The following CNBD1 variants were observed in gnomAD, a reference collection of about 807,000 sequenced individuals.
CNBD1 encodes cyclic nucleotide-binding domain-containing protein 1.
A neutral mutation model predicts 54.4 loss-of-function variants in CNBD1; 71 were observed. The ratio of observed to expected loss-of-function variants is 1.30; its 90% CI spans 1.08 to 1.59. The LOEUF (loss-of-function observed/expected upper bound fraction) is 1.59. Among genes scored for constraint, CNBD1 ranks in the 40% most tolerant of loss-of-function variants. CNBD1 has a pLI of 0.00. For synonymous variants in CNBD1, 182 were observed against 170.7 expected (o/e 1.07, Z -0.51); for missense variants, 659 against 518.0 (o/e 1.27, Z -2.64).
At chr8:87,329,127 G>A (rs190388167) in intron 8 of CNBD1, among the ~76,000 whole-genome samples, 79 of 151,740 alleles carry the variant, frequency 5.2e-4, no homozygotes, top group African/African-American at 1.2e-3. Flanking sequence ...GTCTATATTC[G>A]CTCTTTTGCA....
chr8:87,068,319 T>C (rs902573022), intron 4 of CNBD1, among the ~76,000 whole-genome samples: 8 of 152,124 alleles, frequency 5.3e-5, no homozygotes, highest in African/African-American at 1.9e-4. Context: ...TAATATATAA[T>C]TACAATGGTA....
At chr8:87,344,504 C>T (rs1810130898) in intron 8 of CNBD1, among the ~76,000 whole-genome samples, 1 of 151,838 alleles carries the variant, frequency 6.6e-6, no homozygotes. Context: ...GTTGGGTCAC[C>T]AATATCTGTA....
intron 4 of CNBD1, among the ~76,000 whole-genome samples, chr8:87,107,785 T>C (rs1457681655): frequency 6.6e-6 from 1 of 152,184 alleles, no homozygotes; most frequent in Non-Finnish European, 1.5e-5. Context: ...ATGGCACTAG[T>C]CTAGACTTAG....
intron 4 of CNBD1, among the ~76,000 whole-genome samples, chr8:87,162,094 G>A (rs1812869351): frequency 6.6e-6 from 1 of 151,976 alleles, no homozygotes; most frequent in Non-Finnish European, 1.5e-5. Context: ...TCAAACACAT[G>A]CAAAGTCTTT....
Position 87,141,001 on chromosome 8 carries a change from A to G in CNBD1, c.432-64992A>G, listed in dbSNP as rs552059382. ...TGTAAAAAAAGACCATAAAAGGAAC[A>G]TGTTTCCTAAAGTTTTTACTTCTGA... On this transcript the variant is annotated intron_variant, in intron 4 of 10. Coordinates refer to ENST00000518476, the MANE Select transcript of CNBD1 (RefSeq NM_173538.3). Among the ~76,000 whole-genome samples, 3 of 152,272 alleles carry G rather than the reference A, an allele frequency of 2.0e-5. No homozygotes were observed. The East Asian group carries it at 5.8e-4, about 29-fold the overall frequency.
intron 10 of CNBD1, among the ~76,000 whole-genome samples, chr8:87,371,551 C>T (rs1333348032): frequency 6.6e-6 from 1 of 151,908 alleles, no homozygotes; most frequent in Non-Finnish European, 1.5e-5. Flanking sequence ...GAATTTTAGA[C>T]CAATATCCTT....
intron 8 of CNBD1, among the ~76,000 whole-genome samples, chr8:87,344,747 T>A (rs890838822): frequency 1.3e-5 from 2 of 152,106 alleles, no homozygotes; most frequent in Non-Finnish European, 2.9e-5. Context: ...TACAAGTGAG[T>A]GAATGCGTTG....
chr8:86,894,568 C>T (rs1263880150), intron 2 of CNBD1, among the ~76,000 whole-genome samples: 1 of 152,070 alleles, frequency 6.6e-6, no homozygotes, highest in South Asian at 2.1e-4. Flanking sequence ...TTGTGTTGAA[C>T]ATTGCAGGGC....
intron 3 of CNBD1, among the ~76,000 whole-genome samples, chr8:86,919,978 T>C (rs543911888): frequency 6.6e-6 from 1 of 152,216 alleles, no homozygotes; most frequent in South Asian, 2.1e-4. Context: ...GCAAGTTTAC[T>C]GTTTGATATG....
intron 6 of CNBD1, among the ~76,000 whole-genome samples, chr8:87,258,875 A>C (rs1808074469): frequency 6.6e-6 from 1 of 152,168 alleles, no homozygotes; most frequent in Admixed American, 6.6e-5. Flanking sequence ...CCTTTAGTGA[A>C]TATTTTCACA....
intron 6 of CNBD1, among the ~76,000 whole-genome samples, chr8:87,281,007 A>T (rs1405781546): frequency 6.6e-6 from 1 of 151,566 alleles, no homozygotes; most frequent in Admixed American, 6.6e-5. Flanking sequence ...CTATAAAGTA[A>T]ATAGCTTTAT....
chr8:87,194,155 C>CA (rs1813666659), intron 4 of CNBD1, among the ~76,000 whole-genome samples: 1 of 152,102 alleles, frequency 6.6e-6, no homozygotes, highest in Non-Finnish European at 1.5e-5. Context: ...TGAATCATCA[C>CA]AAAAAATGGT....
At chr8:86,895,190 C>T (rs1465398189) in intron 2 of CNBD1, among the ~76,000 whole-genome samples, 1 of 151,996 alleles carries the variant, frequency 6.6e-6, no homozygotes, top group African/African-American at 2.4e-5. Flanking sequence ...CACATTTAAA[C>T]CACAGCAGCT....
chr8:87,228,775 C>G (rs1011022053), intron 5 of CNBD1, among the ~76,000 whole-genome samples: 4 of 152,044 alleles, frequency 2.6e-5, no homozygotes, highest in Non-Finnish European at 5.9e-5. Flanking sequence ...CCACCCAGTT[C>G]GAGCTTCCAG....
rs756840427 is a variant in CNBD1 at position 87,353,725 on chromosome 8, G to A, written c.1242G>A (p.Thr414=). ...GCGTCCTTCTTCAAGTTCCTTTCAC[G>A]TGCACAATCATTACCAAAAAAGAAG... ...EISVLLQVPF[T]CTIITKKEVE... The change falls in exon 10 of 11, where the codon ACG becomes ACA. Residue 414 remains threonine (T), a synonymous_variant. Coordinates refer to ENST00000518476, the MANE Select transcript of CNBD1 (RefSeq NM_173538.3). The A allele has an allele frequency of 1.3e-5, 21 of 1,611,572 alleles. No individual in the cohort carries two copies. The highest frequency in any genetic ancestry group is 1.7e-4 in the Middle Eastern group (1 of 6,036).
At chr8:87,197,848 T>G (rs1813753617) in intron 4 of CNBD1, among the ~76,000 whole-genome samples, 1 of 152,152 alleles carries the variant, frequency 6.6e-6, no homozygotes, top group Non-Finnish European at 1.5e-5. Context: ...CTCCCTCAGG[T>G]TTCATGTGCA....
chr8:87,042,829 AT>A (rs1810101788), intron 4 of CNBD1, among the ~76,000 whole-genome samples: 1 of 152,056 alleles, frequency 6.6e-6, no homozygotes, highest in African/African-American at 2.4e-5. Context: ...TGCTTGTTAT[AT>A]TTTTATAAAT....
intron 1 of CNBD1, among the ~76,000 whole-genome samples, chr8:86,876,183 T>TTGTGTG (rs60866236): frequency 2.0e-5 from 3 of 150,344 alleles, no homozygotes; most frequent in Non-Finnish European, 3.0e-5. Context: ...GTGTGTGTGT[T>TTGTGTG]TGTGTGTGTG....
In CNBD1 at chr8:87,145,363, G is replaced by A. The variant is rs537150455; in HGVS notation, c.432-60630G>A. Reference sequence around the variant, plus strand: ...GTCAAAAATATCTTTCATGGATGAAGGCAAAATAAATATCTTTTTAGATAT... The same window carrying A: ...GTCAAAAATATCTTTCATGGATGAAAGCAAAATAAATATCTTTTTAGATAT... On this transcript the variant is annotated intron_variant, in intron 4 of 10. Coordinates refer to ENST00000518476, the MANE Select transcript of CNBD1 (RefSeq NM_173538.3). Among the ~76,000 whole-genome samples the A allele has an allele frequency of 2.1e-4, 32 of 152,140 alleles. No individual in the cohort carries two copies. The East Asian group carries it at 4.8e-3, about 23-fold the overall frequency.
Sources: gnomAD v4.1 joint callset for allele counts (sites outside exome capture counted in the v4.1 genomes callset) on GRCh38, gnomAD v4.1.1 for gene constraint, MANE v1.5 for transcripts, NCBI Gene and HGNC (gene_info 2026-07-23, HGNC 2026-07-21) for gene names.